WSCD1: variants seen among roughly 807,000 people sequenced by gnomAD.
WSCD1 encodes WSC domain sialate O sulfotransferase 1, also known as sialate:O-sulfotransferase 1.
WSCD1 carries 41 observed loss-of-function variants against 60.4 expected under a neutral mutation model. That is an observed-to-expected ratio of 0.68 (90% confidence interval 0.53 to 0.88). The LOEUF is 0.88. Ranked by LOEUF, WSCD1 falls within the 40% of genes least tolerant of loss-of-function variation. WSCD1 has a pLI of 0.00. For missense variants in WSCD1, 784 were observed against 796.2 expected (o/e 0.98, Z 0.18); for synonymous variants, 361 against 332.5 (o/e 1.09, Z -0.93).
chr17:6,105,474 A>G (rs533632765), intron 5 of WSCD1, among the ~76,000 whole-genome samples: 7 of 152,294 alleles, frequency 4.6e-5, no homozygotes, highest in African/African-American at 1.4e-4. Flanking sequence ...TGGCAGAGAG[A>G]TAAGATTCAT....
chr17:6,080,677 C>A lies in WSCD1; in HGVS notation c.19C>A (p.Arg7=). The A allele has an allele frequency of 6.2e-7, 1 of 1,613,582 alleles. No individual in the cohort carries two copies. The highest frequency in any genetic ancestry group is 1.1e-5 in the South Asian group (1 of 91,052). Reference sequence around the variant, plus strand: ...CAGGGGCATGGCCAAACCTTTCTTCCGACTCCAGAAGTTTCTCCGCCGAAC... The same window carrying A: ...CAGGGGCATGGCCAAACCTTTCTTCAGACTCCAGAAGTTTCTCCGCCGAAC... The part of the protein sequence containing the change: MAKPFF[R]LQKFLRRTQF... The change falls in exon 2 of 9, where the codon CGA becomes AGA. Residue 7 remains arginine, a synonymous_variant. Coordinates refer to ENST00000317744, the MANE Select transcript of WSCD1 (RefSeq NM_015253.2). This position sits in a 1 kb window ranked among gnomAD's most constrained non-coding sequence, Gnocchi z 6.6.
chr17:6,097,540 G>A (rs763231811), intron 5 of WSCD1, among the ~76,000 whole-genome samples: 7 of 152,238 alleles, frequency 4.6e-5, no homozygotes, highest in East Asian at 1.9e-4. Context: ...GTCTCACGTC[G>A]CGACACAAAG....
chr17:6,122,455 T>G lies in WSCD1; in HGVS notation c.*1794T>G, dbSNP rs968165785. 5.3e-5 allele frequency: 8 copies of G among 152,280 alleles called. No individual in the cohort carries two copies. Among genetic ancestry groups the G allele is most frequent in the African/African-American group, 1.9e-4 (8 of 41,452 alleles). 9.4% of individuals were successfully genotyped at this position (152,280 alleles called of 1,614,324 possible). A position where few individuals can be genotyped will look rare whatever the true frequency, so the allele number is the denominator to read the frequency against. ...AAGGTCTTTGAAAATGTTTATTGGC[T>G]CAGGATAGCTTCGGCATCCAATCTG... On this transcript the variant is annotated 3_prime_UTR_variant, in exon 9 of 9. Coordinates refer to ENST00000317744, the MANE Select transcript of WSCD1 (RefSeq NM_015253.2).
At chr17:6,076,799 G>A (rs1203425074) in intron 1 of WSCD1, among the ~76,000 whole-genome samples, 6 of 152,182 alleles carry the variant, frequency 3.9e-5, no homozygotes, top group Non-Finnish European at 8.8e-5. Context: ...GTGTTGGCCG[G>A]TTGTGCTGTC....
chr17:6,081,159 TTC>T lies in WSCD1; in HGVS notation c.427+80_427+81del, dbSNP rs538639969. The T allele has an allele frequency of 1.9e-3, 2,698 of 1,453,894 alleles. 7 individuals are homozygous for T. Among genetic ancestry groups the T allele is most frequent in the Middle Eastern group, 4.9e-3 (27 of 5,506 alleles). The allele number at this position is 1,453,894 out of a possible 1,614,324, so 90.1% of individuals were successfully genotyped here. A position where few individuals can be genotyped will look rare whatever the true frequency, so the allele number is the denominator to read the frequency against. ...CAGGGTCACAGGTTTGGTGTCCCCT[TTC>T]TCTCTGCAGGCCTGTGGCCTTCACC... On this transcript the variant is annotated intron_variant, in intron 2 of 8. Transcript: ENST00000317744.
intron 2 of WSCD1, among the ~76,000 whole-genome samples, chr17:6,083,498 G>A (rs1464306255): frequency 6.6e-6 from 1 of 152,204 alleles, no homozygotes; most frequent in African/African-American, 2.4e-5. Context: ...CTGACCAGCA[G>A]CCTCCCAAAG....
intron 7 of WSCD1, among the ~76,000 whole-genome samples, chr17:6,114,650 AAAT>A (rs1293343806): frequency 2.0e-5 from 3 of 151,942 alleles, no homozygotes; most frequent in South Asian, 4.2e-4. Flanking sequence ...CATCAGTTTA[AAAT>A]AATAATAAAT....
At chr17:6,086,309 T>C (rs1285873182) in intron 2 of WSCD1, among the ~76,000 whole-genome samples, 1 of 142,940 alleles carries the variant, frequency 7.0e-6, no homozygotes, top group East Asian at 2.1e-4. Flanking sequence ...CTAGTCCCCA[T>C]GGATAATAAA....
upstream of WSCD1, among the ~76,000 whole-genome samples, chr17:6,069,807 G>A (rs941933073): frequency 6.2e-4 from 90 of 145,348 alleles, no homozygotes; most frequent in Non-Finnish European, 9.0e-4. Context: ...GTGTGCGTGC[G>A]TGTGTGGTGT....
At chr17:6,102,209 A>G (rs562338479) in intron 5 of WSCD1, among the ~76,000 whole-genome samples, 31 of 152,328 alleles carry the variant, frequency 2.0e-4, no homozygotes, top group East Asian at 9.6e-4. Flanking sequence ...CCACCTTTCA[A>G]ATGGAAAAGC....
At chr17:6,096,026 G>A (rs914888055) in intron 5 of WSCD1, among the ~76,000 whole-genome samples, 2 of 152,212 alleles carry the variant, frequency 1.3e-5, no homozygotes, top group African/African-American at 4.8e-5. Flanking sequence ...TGAGAGGATG[G>A]CCTTGGCCAG....
At chr17:6,099,929 A>G (rs1002383537) in intron 5 of WSCD1, among the ~76,000 whole-genome samples, 1 of 151,798 alleles carries the variant, frequency 6.6e-6, no homozygotes, top group African/African-American at 2.4e-5. Context: ...ACATGTGTCC[A>G]TGTCTAAACC....
chr17:6,106,130 CA>C (rs2150561853), intron 5 of WSCD1, among the ~76,000 whole-genome samples: 1 of 152,268 alleles, frequency 6.6e-6, no homozygotes. Context: ...ACAAAGCACA[CA>C]AAAAACACAA....
At position 6,119,377 on chromosome 17, in the gene WSCD1, G is replaced by C. The variant is rs534852274; in HGVS notation, c.1376-932G>C. Among the ~76,000 whole-genome samples, 68 of 152,342 alleles carry C rather than the reference G, an allele frequency of 4.5e-4. No individual in the cohort carries two copies. In the South Asian group the frequency reaches 0.014, roughly 31 times the overall value. Reference sequence around the variant, plus strand: ...TGATGAGGTCAGGGTCTCTGCCCTCGAGGCATGCACAGCTGAGCCTTTGGG... The same window carrying C: ...TGATGAGGTCAGGGTCTCTGCCCTCCAGGCATGCACAGCTGAGCCTTTGGG... On this transcript the variant is annotated intron_variant, in intron 8 of 8. Coordinates refer to ENST00000317744, the MANE Select transcript of WSCD1 (RefSeq NM_015253.2).
intron 1 of WSCD1, among the ~76,000 whole-genome samples, chr17:6,076,342 A>G (rs1328751827): frequency 6.6e-6 from 1 of 152,216 alleles, no homozygotes; most frequent in Non-Finnish European, 1.5e-5. Context: ...AAATGGTGGC[A>G]TTGACAAAGC....
upstream of WSCD1, among the ~76,000 whole-genome samples, chr17:6,070,064 G>C (rs141770353): frequency 1.5e-4 from 23 of 151,720 alleles, no homozygotes; most frequent in Admixed American, 9.8e-4. Flanking sequence ...TGCCCCGTGT[G>C]TTTGTGGGTC....
chr17:6,099,128 A>G (rs906134568), intron 5 of WSCD1, among the ~76,000 whole-genome samples: 1 of 152,238 alleles, frequency 6.6e-6, no homozygotes, highest in Middle Eastern at 3.4e-3. Flanking sequence ...TACAAGAGTT[A>G]TTAAGAAGTT....
intron 1 of WSCD1, among the ~76,000 whole-genome samples, chr17:6,074,762 C>T (rs1014110714): frequency 6.6e-5 from 10 of 152,224 alleles, no homozygotes; most frequent in South Asian, 2.1e-4. Context: ...ACGCCTCTCT[C>T]GCTAACCAGG....
At chr17:6,087,941 G>GC (rs1909764731) in intron 2 of WSCD1, 49 bp from the exon 3 acceptor site, 1 of 1,484,106 alleles carries the variant, frequency 6.7e-7, no homozygotes, top group African/African-American at 1.4e-5. Context: ...CTAAGGGTGG[G>GC]CCCATGATTC....
Sources: allele counts gnomAD v4.1 joint callset (sites outside exome capture counted in the v4.1 genomes callset), GRCh38; gene constraint gnomAD v4.1.1; non-coding constraint Gnocchi (gnomAD v3.1); transcripts MANE v1.5; gene names NCBI Gene and HGNC (gene_info 2026-07-23, HGNC 2026-07-21).